POLDIP3: variants seen among roughly 807,000 people sequenced by gnomAD.
The protein encoded by POLDIP3 is polymerase delta-interacting protein 3.
A neutral mutation model predicts 45.1 loss-of-function variants in POLDIP3; 14 were observed. The observed-to-expected ratio is 0.31, with a 90% CI of 0.20 to 0.49. The LOEUF is 0.49. POLDIP3 is among the 20% of genes least tolerant of loss of function. The pLI, the probability that POLDIP3 is intolerant of heterozygous loss-of-function variation, is 0.99. For synonymous variants in POLDIP3, 223 were observed against 205.2 expected, an observed-to-expected ratio of 1.09 and a Z score of -0.74; for missense variants, 511 against 538.8, an observed-to-expected ratio of 0.95 and a Z score of 0.51.
chr22:42,609,682 C>A (rs1193504484), intron 1 of POLDIP3, among the ~76,000 whole-genome samples: 1 of 152,160 alleles, frequency 6.6e-6, no homozygotes, highest in East Asian at 1.9e-4. Flanking sequence ...GATCGCACCA[C>A]TGCACTCCAG....
At chr22:42,593,286 G>A (rs933716605) in intron 6 of POLDIP3, among the ~76,000 whole-genome samples, 4 of 152,152 alleles carry the variant, frequency 2.6e-5, no homozygotes, top group South Asian at 2.1e-4. Flanking sequence ...GATATGGAGG[G>A]CCAACTATAA....
At chr22:42,610,432 C>A (rs1373761240) in intron 1 of POLDIP3, among the ~76,000 whole-genome samples, 2 of 152,168 alleles carry the variant, frequency 1.3e-5, no homozygotes, top group Admixed American at 6.5e-5. Flanking sequence ...TCCAAGGACT[C>A]CCCAGATGAG....
At chr22:42,604,056 C>T (rs1018211933) in intron 1 of POLDIP3, among the ~76,000 whole-genome samples, 2 of 152,138 alleles carry the variant, frequency 1.3e-5, no homozygotes, top group Non-Finnish European at 2.9e-5. Flanking sequence ...CTGAGTATAG[C>T]GCTGGAGATC....
rs1925240679 is a variant in POLDIP3 at position 42,585,385 on chromosome 22, G to A, written c.*406C>T. ...TTTGAAAAGCTTAATACACACAAAGGAAAGGCAGCCCCTCGGCCCCTGGAA... is the reference window on the plus strand; with the variant it reads ...TTTGAAAAGCTTAATACACACAAAGAAAAGGCAGCCCCTCGGCCCCTGGAA... On this transcript the variant is annotated 3_prime_UTR_variant, in exon 9 of 9. Transcript: ENST00000252115. The A allele has an allele frequency of 1.3e-5, 5 of 393,108 alleles. No individual in the cohort carries two copies. The highest frequency in any genetic ancestry group is 7.2e-5 in the South Asian group (4 of 55,444). 24.4% of individuals were successfully genotyped at this position (393,108 alleles called of 1,614,324 possible).
At chr22:42,591,383 ATTGTT>A (rs1205837480) in intron 7 of POLDIP3, among the ~76,000 whole-genome samples, 1 of 152,034 alleles carries the variant, frequency 6.6e-6, no homozygotes, top group African/African-American at 2.4e-5. Flanking sequence ...TTATTGTTGT[ATTGTT>A]TTATTAGTCT....
intron 7 of POLDIP3, among the ~76,000 whole-genome samples, chr22:42,590,563 G>C (rs1234128181): frequency 6.6e-6 from 1 of 152,076 alleles, no homozygotes; most frequent in Non-Finnish European, 1.5e-5. Flanking sequence ...GTAAAAATAT[G>C]GTATTATAAT....
chr22:42,585,783 T>C lies in POLDIP3; in HGVS notation c.*8A>G, dbSNP rs548371936. 3 of 1,608,800 alleles carry C rather than the reference T, an allele frequency of 1.9e-6. No individual in the cohort carries two copies. In the South Asian group the frequency reaches 3.3e-5, roughly 18 times the overall value. Reference sequence around the variant, plus strand: ...CTGCCCCCACTTCTGGCTGCCTCACTCCCCTGCTCAAAGCTTGATTTTGAA... The same window carrying C: ...CTGCCCCCACTTCTGGCTGCCTCACCCCCCTGCTCAAAGCTTGATTTTGAA... On this transcript the variant is annotated 3_prime_UTR_variant, in exon 9 of 9. Coordinates refer to ENST00000252115, the MANE Select transcript of POLDIP3 (RefSeq NM_032311.5).
Position 42,614,869 on chromosome 22 carries a change from G to C in POLDIP3, c.-12C>G, listed in dbSNP as rs769279250. 2 of 1,613,448 alleles carry C rather than the reference G, an allele frequency of 1.2e-6. No homozygotes were observed. Among genetic ancestry groups the C allele is most frequent in the South Asian group, 2.2e-5 (2 of 91,076 alleles). ...GAGATGTCCGCCATCTTGCTCCGCCGAGCAAGCCGAAAGCAGTCGAGACCC... is the reference window on the plus strand; with the variant it reads ...GAGATGTCCGCCATCTTGCTCCGCCCAGCAAGCCGAAAGCAGTCGAGACCC... On this transcript the variant is annotated 5_prime_UTR_variant, in exon 1 of 9. Transcript: ENST00000252115.
chr22:42,607,752 C>G (rs1448274746), intron 1 of POLDIP3, among the ~76,000 whole-genome samples: 2 of 151,630 alleles, frequency 1.3e-5, no homozygotes, highest in African/African-American at 4.9e-5. Flanking sequence ...CGCCTCTGCC[C>G]GGCCGCGACC....
chr22:42,598,646 A>G (rs1050988476), intron 4 of POLDIP3, among the ~76,000 whole-genome samples: 8 of 152,230 alleles, frequency 5.3e-5, no homozygotes, highest in Non-Finnish European at 8.8e-5. Flanking sequence ...TGCCTCCCAA[A>G]GTGTTGAGAT....
At position 42,585,038 on chromosome 22, in the gene POLDIP3, G is replaced by T; in HGVS notation, c.*753C>A. Reference sequence around the variant, plus strand: ...GGGCTCACAACACAGCCCCCTCCCAGCAAAGACACCCAGAAGGGAAAGAGA... The same window carrying T: ...GGGCTCACAACACAGCCCCCTCCCATCAAAGACACCCAGAAGGGAAAGAGA... On this transcript the variant is annotated 3_prime_UTR_variant, in exon 9 of 9. Transcript: ENST00000252115. The T allele has an allele frequency of 2.2e-6, 1 of 455,482 alleles. No homozygotes were observed. The highest frequency in any genetic ancestry group is 1.6e-5 in the South Asian group (1 of 64,452). 28.2% of individuals were successfully genotyped at this position (455,482 alleles called of 1,614,324 possible). A position where few individuals can be genotyped will look rare whatever the true frequency, so the allele number is the denominator to read the frequency against.
chr22:42,594,220 T>G (rs1014667227), intron 6 of POLDIP3, among the ~76,000 whole-genome samples: 2 of 151,662 alleles, frequency 1.3e-5, no homozygotes, highest in African/African-American at 4.9e-5. Flanking sequence ...AAGATCGCAC[T>G]ACTGGCACTC....
intron 7 of POLDIP3, among the ~76,000 whole-genome samples, chr22:42,588,399 G>A (rs1201133322): frequency 6.7e-6 from 1 of 148,482 alleles, no homozygotes; most frequent in African/African-American, 2.5e-5. Flanking sequence ...AGCTTGCAGT[G>A]AGCAGAGACC....
rs1458141498 is a variant in POLDIP3, at chr22:42,614,841, A to T, written c.17T>A (p.Leu6Gln). ...CCCGCGCTTCCTGATGAGTTCGTCC[A>T]GGGAGATGTCCGCCATCTTGCTCCG... MADIS[L>Q]DELIRKRGAA... Residue 6 changes from leucine to glutamine, a missense_variant, in exon 1 of 9, where the codon CTG becomes CAG. Leu to Gln is a moderately radical substitution (Grantham distance 113). Around this residue, in one of 4 missense-constraint regions of POLDIP3, gnomAD observed 378 missense variants for 352.3 expected, o/e 1.07. Transcript: ENST00000252115. 9 of 1,614,000 alleles carry T rather than the reference A, an allele frequency of 5.6e-6. No homozygotes were observed. Among genetic ancestry groups the T allele is most frequent in the Non-Finnish European group, 7.6e-6 (9 of 1,179,942 alleles).
intron 7 of POLDIP3, among the ~76,000 whole-genome samples, chr22:42,587,955 G>C (rs765853856): frequency 4.3e-4 from 65 of 152,266 alleles, no homozygotes; most frequent in East Asian, 1.2e-3. Flanking sequence ...TGTCTACAAA[G>C]GATGAAGCAC....
chr22:42,607,866 G>A (rs1277182838), intron 1 of POLDIP3, among the ~76,000 whole-genome samples: 3 of 148,900 alleles, frequency 2.0e-5, no homozygotes, highest in East Asian at 4.0e-4. Flanking sequence ...GAGCCCCTCC[G>A]CCCAGCAGCC....
chr22:42,603,094 G>A lies in POLDIP3; in HGVS notation c.126C>T (p.Ser42=). 1 of 1,614,168 alleles carries A rather than the reference G, an allele frequency of 6.2e-7. No individual in the cohort carries two copies. Among genetic ancestry groups the A allele is most frequent in the South Asian group, 1.1e-5 (1 of 91,084 alleles). ...SRVGIQQGLL[S]QSTRTATFQQ... is the part of the protein sequence containing the mutation. ...GGAAGGTGGCTGTGCGTGTTGACTG[G>A]CTGAGAAGGCCTTGCTGGATCCCAA... The change falls in exon 2 of 9, where the codon AGC becomes AGT. Residue 42 remains serine (S), a synonymous_variant. Coordinates refer to ENST00000252115, the MANE Select transcript of POLDIP3 (RefSeq NM_032311.5).
intron 3 of POLDIP3, among the ~76,000 whole-genome samples, chr22:42,601,167 T>C (rs1926342910): frequency 6.6e-6 from 1 of 151,788 alleles, no homozygotes; most frequent in African/African-American, 2.4e-5. Flanking sequence ...GAATAGGAAC[T>C]TGAGGGACTT....
intron 1 of POLDIP3, among the ~76,000 whole-genome samples, chr22:42,614,202 G>A (rs1286000963): frequency 6.6e-6 from 1 of 152,224 alleles, no homozygotes; most frequent in Non-Finnish European, 1.5e-5. Context: ...TCAGTAAAAG[G>A]TGGGTAACAT....
Sources: gnomAD v4.1 joint callset for allele counts (sites outside exome capture counted in the v4.1 genomes callset) on GRCh38, gnomAD v4.1.1 for gene constraint, gnomAD v4.1.1 regional missense constraint, MANE v1.5 for transcripts, NCBI Gene and HGNC (gene_info 2026-07-23, HGNC 2026-07-21) for gene names.